YWHAH: variants seen among roughly 807,000 people sequenced by gnomAD.
The protein encoded by YWHAH is tyrosine 3-monooxygenase/tryptophan 5-monooxygenase activation protein eta.
YWHAH carries 6 observed loss-of-function variants against 22.9 expected under a neutral mutation model. The observed-to-expected ratio is 0.26, with a 90% CI of 0.14 to 0.52. The LOEUF is 0.52. Ranked by LOEUF, YWHAH falls within the 20% of genes least tolerant of loss-of-function variation. The pLI, the probability that YWHAH is intolerant of heterozygous loss-of-function variation, is 0.97. For missense variants in YWHAH, 173 were observed against 308.6 expected (o/e 0.56, Z 3.29); for synonymous variants, 135 against 124.5 (o/e 1.08, Z -0.56).
At chr22:31,954,312 T>G (rs2093846892) in intron 1 of YWHAH, among the ~76,000 whole-genome samples, 2 of 152,224 alleles carry the variant, frequency 1.3e-5, no homozygotes, top group South Asian at 4.1e-4. Context: ...AGAGACTGAT[T>G]TAATAAAATT....
At chr22:31,954,219 T>A (rs1401285411) in intron 1 of YWHAH, among the ~76,000 whole-genome samples, 1 of 152,256 alleles carries the variant, frequency 6.6e-6, no homozygotes, top group Non-Finnish European at 1.5e-5. Flanking sequence ...AAGTAATACC[T>A]TTTTTGTTTA....
chr22:31,953,307 C>T (rs2093845609), intron 1 of YWHAH, among the ~76,000 whole-genome samples: 1 of 152,208 alleles, frequency 6.6e-6, no homozygotes, highest in African/African-American at 2.4e-5. Flanking sequence ...AAACGCAAGT[C>T]ATTCTAGAGG....
Position 31,944,647 on chromosome 22 carries a change from C to G in YWHAH, c.-87C>G, listed in dbSNP as rs1026555253. The G allele has an allele frequency of 1.8e-6, 2 of 1,088,964 alleles. No individual in the cohort carries two copies. The highest frequency in any genetic ancestry group is 3.3e-5 in the African/African-American group (2 of 60,182). The allele number at this position is 1,088,964 out of a possible 1,614,324, so 67.5% of individuals were successfully genotyped here. A position where few individuals can be genotyped will look rare whatever the true frequency, so the allele number is the denominator to read the frequency against. ...CAGTGCGCGTGCGCGGCGGCGGCCT[C>G]CGCAGCGACCGGGGAGCGGACTGAC... On this transcript the variant is annotated 5_prime_UTR_variant, in exon 1 of 2. Coordinates refer to ENST00000248975, the MANE Select transcript of YWHAH (RefSeq NM_003405.4).
chr22:31,945,430 C>T, intron 1 of YWHAH: 2 of 1,303,508 alleles, frequency 1.5e-6, no homozygotes, highest in Non-Finnish European at 2.0e-6. Context: ...GGGTGTGGGG[C>T]CCCACTCCAC....
At chr22:31,953,479 T>TA (rs2149468329) in intron 1 of YWHAH, among the ~76,000 whole-genome samples, 1 of 152,350 alleles carries the variant, frequency 6.6e-6, no homozygotes, top group Admixed American at 6.5e-5. Flanking sequence ...CAAACCTTGT[T>TA]ACAACATAGA....
At chr22:31,946,632 A>T (rs2093835176) in intron 1 of YWHAH, among the ~76,000 whole-genome samples, 1 of 152,202 alleles carries the variant, frequency 6.6e-6, no homozygotes, top group Non-Finnish European at 1.5e-5. Flanking sequence ...AAATGGCTAG[A>T]AGGTGTGTTC....
chr22:31,951,910 G>T (rs2093843780), intron 1 of YWHAH, among the ~76,000 whole-genome samples: 1 of 152,166 alleles, frequency 6.6e-6, no homozygotes. Context: ...TTCAGGAAGG[G>T]TGTAAGTAGG....
chr22:31,955,836 A>T (rs1232171058), intron 1 of YWHAH, among the ~76,000 whole-genome samples: 5 of 152,158 alleles, frequency 3.3e-5, no homozygotes, highest in African/African-American at 1.2e-4. Flanking sequence ...AATTATCCTT[A>T]GTCCCATTCC....
intron 1 of YWHAH, among the ~76,000 whole-genome samples, chr22:31,950,650 T>A (rs1396747420): frequency 6.6e-6 from 1 of 152,200 alleles, no homozygotes; most frequent in African/African-American, 2.4e-5. Flanking sequence ...TTAGAGTGGA[T>A]GTTACTTACC....
rs1269397162 is a variant in YWHAH, at chr22:31,956,731, G to A, written c.680G>A (p.Arg227Gln). Reference sequence around the variant, plus strand: ...TCCACGCTGATCATGCAGTTGCTGCGAGACAACCTCACCCTCTGGACGAGC... The same window carrying A: ...TCCACGCTGATCATGCAGTTGCTGCAAGACAACCTCACCCTCTGGACGAGC... ...KDSTLIMQLL[R>Q]DNLTLWTSDQ... The change falls in exon 2 of 2, where the codon CGA becomes CAA. Residue 227 changes from arginine (R) to glutamine (Q), a missense_variant. By Grantham distance (43) the Arg-to-Gln change is conservative. Coordinates refer to ENST00000248975, the MANE Select transcript of YWHAH (RefSeq NM_003405.4). This position sits in a 1 kb window ranked among gnomAD's most constrained non-coding sequence, Gnocchi z 5.1. The A allele has an allele frequency of 6.2e-7, 1 of 1,613,102 alleles. No individual in the cohort carries two copies. Among genetic ancestry groups the A allele is most frequent in the African/African-American group, 1.3e-5 (1 of 74,912 alleles).
chr22:31,948,465 C>T (rs2093838163), intron 1 of YWHAH, among the ~76,000 whole-genome samples: 1 of 151,350 alleles, frequency 6.6e-6, no homozygotes, highest in African/African-American at 2.4e-5. Context: ...GATCATAATT[C>T]ACTGTAGCCT....
intron 1 of YWHAH, chr22:31,947,359 G>A (rs1033188774): frequency 2.2e-6 from 1 of 460,662 alleles, no homozygotes; most frequent in African/African-American, 2.0e-5. Flanking sequence ...TAACAAGTCA[G>A]TTTTGCCTTC....
chr22:31,956,186 C>T lies in YWHAH; in HGVS notation c.135C>T (p.Leu45=), dbSNP rs1603055738. The change falls in exon 2 of 2, where the codon CTC becomes CTT. Residue 45 remains leucine, a synonymous_variant. Coordinates refer to ENST00000248975, the MANE Select transcript of YWHAH (RefSeq NM_003405.4). This position sits in a 1 kb window ranked among gnomAD's most constrained non-coding sequence, Gnocchi z 5.1. ...EPLSNEDRNL[L]SVAYKNVVGA... Reference sequence around the variant, plus strand: ...TCTCCAATGAAGATCGAAATCTCCTCTCTGTGGCCTACAAGAATGTGGTTG... The same window carrying T: ...TCTCCAATGAAGATCGAAATCTCCTTTCTGTGGCCTACAAGAATGTGGTTG... 1.2e-6 allele frequency: 2 copies of T among 1,614,120 alleles called. No homozygotes were observed. Among genetic ancestry groups the T allele is most frequent in the Non-Finnish European group, 1.7e-6 (2 of 1,180,024 alleles).
intron 1 of YWHAH, among the ~76,000 whole-genome samples, chr22:31,952,986 C>A (rs1002086654): frequency 6.6e-6 from 1 of 152,246 alleles, no homozygotes; most frequent in Non-Finnish European, 1.5e-5. Context: ...CTAGCTCAGA[C>A]TAAACTTCAG....
rs770191478 is a variant in YWHAH, at chr22:31,956,090, A to G, written c.88-49A>G. ...TATGTTGAAGGGAAGGCTTCTTACC[A>G]AGATTTTCAGATTTTGCTTTCAATG... is the stretch of plus-strand genomic sequence containing the variant. On this transcript the variant is annotated intron_variant, in intron 1 of 1. Coordinates refer to ENST00000248975, the MANE Select transcript of YWHAH (RefSeq NM_003405.4). The surrounding 1 kb of genome is among the most constrained non-coding windows in gnomAD (Gnocchi z 5.1). The G allele has an allele frequency of 6.5e-7, 1 of 1,542,992 alleles. No homozygotes were observed. Among genetic ancestry groups the G allele is most frequent in the Admixed American group, 2.1e-5 (1 of 46,720 alleles).
At chr22:31,955,439 C>CTTTT (rs60830862) in intron 1 of YWHAH, among the ~76,000 whole-genome samples, 20 of 126,744 alleles carry the variant, frequency 1.6e-4, no homozygotes, top group Non-Finnish European at 2.0e-4. Context: ...TTCAGAGTAT[C>CTTTT]TTTTTTTTTT....
chr22:31,945,662 G>A (rs1416037563), intron 1 of YWHAH: 2 of 1,272,316 alleles, frequency 1.6e-6, no homozygotes, highest in African/African-American at 1.5e-5. Flanking sequence ...CTCTCTCCAC[G>A]TTATTTTACG....
chr22:31,952,714 G>A (rs1255772932), intron 1 of YWHAH, among the ~76,000 whole-genome samples: 1 of 152,198 alleles, frequency 6.6e-6, no homozygotes, highest in East Asian at 1.9e-4. Context: ...CCCAGTAAAT[G>A]ATTTTTCTTG....
chr22:31,945,560 C>T, intron 1 of YWHAH: 1 of 1,304,206 alleles, frequency 7.7e-7, no homozygotes, highest in South Asian at 1.2e-5. Context: ...TCTGCAGCTT[C>T]TCCGGTGGAT....
Sources: gnomAD v4.1 joint callset for allele counts (sites outside exome capture counted in the v4.1 genomes callset) on GRCh38, gnomAD v4.1.1 for gene constraint, Gnocchi (gnomAD v3.1) non-coding constraint, MANE v1.5 for transcripts, NCBI Gene and HGNC (gene_info 2026-07-23, HGNC 2026-07-21) for gene names.